PPP3CA: variants seen among roughly 807,000 people sequenced by gnomAD.
PPP3CA encodes protein phosphatase 3 catalytic subunit alpha, also known as CAM-PRP catalytic subunit.
PPP3CA carries 14 observed loss-of-function variants against 66.5 expected under a neutral mutation model. The ratio of observed to expected loss-of-function variants is 0.21; its 90% CI spans 0.14 to 0.33. The LOEUF (loss-of-function observed/expected upper bound fraction) is 0.33, where lower values mean the gene tolerates loss of function less well. PPP3CA is among the 10% of genes least tolerant of loss of function. The probability of loss-of-function intolerance (pLI) is 1.00; values close to 1 mark genes in which losing one functional copy is unlikely to be tolerated. For synonymous variants in PPP3CA, 232 were observed against 226.2 expected, an observed-to-expected ratio of 1.03 and a Z score of -0.23; for missense variants, 317 against 639.5, an observed-to-expected ratio of 0.50 and a Z score of 5.44.
At chr4:101,247,032 T>A (rs2110239852) in intron 1 of PPP3CA, among the ~76,000 whole-genome samples, 1 of 152,296 alleles carries the variant, frequency 6.6e-6, no homozygotes, top group South Asian at 2.1e-4. Context: ...ATATAATTAG[T>A]TTGCATTCAA....
intron 1 of PPP3CA, among the ~76,000 whole-genome samples, chr4:101,217,043 C>T (rs1725479657): frequency 6.6e-6 from 1 of 152,074 alleles, no homozygotes; most frequent in African/African-American, 2.4e-5. Context: ...AAAAGATGCT[C>T]TTTAGGAGCA....
chr4:101,175,953 T>C (rs1724045439), intron 2 of PPP3CA, among the ~76,000 whole-genome samples: 2 of 152,080 alleles, frequency 1.3e-5, no homozygotes, highest in South Asian at 2.1e-4. Context: ...CATTATATGG[T>C]CTCCACAAAA....
At chr4:101,319,351 A>G (rs1728972264) in intron 1 of PPP3CA, among the ~76,000 whole-genome samples, 1 of 151,994 alleles carries the variant, frequency 6.6e-6, no homozygotes, top group African/African-American at 2.4e-5. Flanking sequence ...GTTTCCATGG[A>G]AAGGCTACAA....
intron 1 of PPP3CA, among the ~76,000 whole-genome samples, chr4:101,225,080 C>A (rs942443593): frequency 4.6e-5 from 7 of 151,740 alleles, no homozygotes; most frequent in African/African-American, 1.7e-4. Context: ...CTCCCTCACC[C>A]CCTTTAGGTC....
intron 10 of PPP3CA, among the ~76,000 whole-genome samples, chr4:101,043,012 C>T (rs758150368): frequency 2.6e-5 from 4 of 151,990 alleles, no homozygotes; most frequent in Non-Finnish European, 4.4e-5. Flanking sequence ...AATATTCTGG[C>T]TCTCTCCAAT....
At chr4:101,178,273 T>G (rs1447602273) in intron 2 of PPP3CA, among the ~76,000 whole-genome samples, 1 of 149,634 alleles carries the variant, frequency 6.7e-6, no homozygotes, top group Non-Finnish European at 1.5e-5. Context: ...TGAAAGAATC[T>G]AGAACACAAG....
At chr4:101,163,597 T>A (rs1723591502) in intron 2 of PPP3CA, among the ~76,000 whole-genome samples, 1 of 152,150 alleles carries the variant, frequency 6.6e-6, no homozygotes, top group African/African-American at 2.4e-5. Context: ...GGTGTGTTCA[T>A]CCTTATTTTT....
chr4:101,178,796 T>C (rs1724144692), intron 2 of PPP3CA, among the ~76,000 whole-genome samples: 1 of 152,096 alleles, frequency 6.6e-6, no homozygotes, highest in South Asian at 2.1e-4. Context: ...CTCAAGTTGG[T>C]AAGTGTTCTT....
intron 1 of PPP3CA, chr4:101,250,443 T>G: frequency 4.6e-6 from 2 of 433,788 alleles, no homozygotes; most frequent in Non-Finnish European, 9.2e-6. Context: ...ATTATTGTTA[T>G]GTTACATAGA....
chr4:101,226,936 A>AT (rs1725801637), intron 1 of PPP3CA, among the ~76,000 whole-genome samples: 1 of 151,610 alleles, frequency 6.6e-6, no homozygotes, highest in Non-Finnish European at 1.5e-5. Flanking sequence ...CAGGATAATT[A>AT]TTTTTTTATA....
intron 1 of PPP3CA, among the ~76,000 whole-genome samples, chr4:101,337,093 T>C (rs1298390961): frequency 1.3e-5 from 2 of 152,204 alleles, no homozygotes; most frequent in African/African-American, 4.8e-5. Flanking sequence ...TCAGCACACA[T>C]AAAGTTCACA....
intron 2 of PPP3CA, among the ~76,000 whole-genome samples, chr4:101,142,064 AAAG>A (rs1340995939): frequency 3.9e-5 from 6 of 152,218 alleles, no homozygotes; most frequent in East Asian, 3.9e-4. Context: ...AAAAAAAAAA[AAAG>A]AAGAAGTTAT....
At chr4:101,171,124 A>C in intron 2 of PPP3CA, 1 of 454,200 alleles carries the variant, frequency 2.2e-6, no homozygotes, top group Non-Finnish European at 4.4e-6. Context: ...GGTTGTCAGT[A>C]GTTTACATTC....
chr4:101,139,696 G>GTTTTTTTT (rs372257350), intron 2 of PPP3CA, among the ~76,000 whole-genome samples: 19 of 98,402 alleles, frequency 1.9e-4, no homozygotes, highest in South Asian at 3.6e-4. Context: ...TTTTTTTTGT[G>GTTTTTTTT]TTTTTTTTTT....
chr4:101,163,883 A>G (rs1038734347), intron 2 of PPP3CA, among the ~76,000 whole-genome samples: 8 of 152,056 alleles, frequency 5.3e-5, no homozygotes, highest in Admixed American at 2.0e-4. Flanking sequence ...CCAAAGGCTT[A>G]GCCAGTAGCT....
chr4:101,227,368 A>T (rs1405741157), intron 1 of PPP3CA, among the ~76,000 whole-genome samples: 4 of 151,724 alleles, frequency 2.6e-5, no homozygotes, highest in African/African-American at 9.7e-5. Context: ...ATGTAGTATT[A>T]TCACATATAG....
At position 101,346,843 on chromosome 4, in the gene PPP3CA, C is replaced by T; in HGVS notation, c.-47G>A. On this transcript the variant is annotated 5_prime_UTR_variant, in exon 1 of 14. Coordinates refer to ENST00000394854, the MANE Select transcript of PPP3CA (RefSeq NM_000944.5). ...GACGCGCTGCTCGTCCGTCCGACTG[C>T]ACACCCCGACCGGACCGGCGGGCCA... 1 of 1,590,122 alleles carries T rather than the reference C, an allele frequency of 6.3e-7. No homozygotes were observed. The highest frequency in any genetic ancestry group is 8.6e-7 in the Non-Finnish European group (1 of 1,169,302).
chr4:101,138,544 A>G (rs934480809), intron 2 of PPP3CA, among the ~76,000 whole-genome samples: 8 of 152,204 alleles, frequency 5.3e-5, no homozygotes, highest in African/African-American at 1.7e-4. Context: ...TTATCTACTG[A>G]AAAGTTATCC....
intron 2 of PPP3CA, among the ~76,000 whole-genome samples, chr4:101,186,126 T>C (rs114721348): frequency 0.011 from 1,624 of 152,284 alleles, 30 homozygotes; most frequent in African/African-American, 0.031. Context: ...GATATTTGCC[T>C]AGTGTTTTCT....
Sources: gnomAD v4.1 joint callset for allele counts (sites outside exome capture counted in the v4.1 genomes callset) on GRCh38, gnomAD v4.1.1 for gene constraint, MANE v1.5 for transcripts, NCBI Gene and HGNC (gene_info 2026-07-23, HGNC 2026-07-21) for gene names.